KRT3: variants seen among roughly 807,000 people sequenced by gnomAD.
KRT3 encodes the protein keratin 3.
In KRT3, 34 loss-of-function variants were observed where a neutral mutation model predicts 45.8. The ratio of observed to expected loss-of-function variants is 0.74; its 90% confidence interval spans 0.57 to 0.99. The LOEUF is 0.99. Ranked by LOEUF, KRT3 falls within the 50% of genes least tolerant of loss-of-function variation. The probability of loss-of-function intolerance (pLI) is 0.00; values close to 1 mark genes in which losing one functional copy is unlikely to be tolerated. For synonymous variants in KRT3, 367 were observed against 329.0 expected, an observed-to-expected ratio of 1.12 and a Z score of -1.25; for missense variants, 828 against 820.6, an observed-to-expected ratio of 1.01 and a Z score of -0.11.
Position 52,790,288 on chromosome 12 carries a change from G to T in KRT3, c.1641C>A (p.Gly547=), listed in dbSNP as rs1373447963. The change falls in exon 9 of 9, where the codon GGC becomes GGA. Residue 547 remains glycine, a synonymous_variant. Transcript: ENST00000417996. ...GYGGGYGGGM[G]GGLGGGFSAG... ...CACTGAAGCCACCTCCTAAACCACC[G>T]CCCATGCCTCCGCCGTAACCTCCTC... is the stretch of plus-strand genomic sequence containing the variant. 2 of 1,558,866 alleles carry T rather than the reference G, an allele frequency of 1.3e-6. No homozygotes were observed. Among genetic ancestry groups the T allele is most frequent in the African/African-American group, 2.7e-5 (2 of 73,350 alleles).
Position 52,791,368 on chromosome 12 carries a change from T to C in KRT3, c.1373A>G (p.Lys458Arg). The change falls in exon 7 of 9, where the codon AAG (lysine) becomes AGG (arginine). Residue 458 changes from lysine to arginine, a missense_variant. By Grantham distance (26) the Lys-to-Arg change is conservative. Coordinates refer to ENST00000417996, the MANE Select transcript of KRT3 (RefSeq NM_057088.3). ...CTCTTGGAGCTTGGCATTGGCATCCTTGAGGGCCATCTCTCCATGCTGCTC... is the reference window on the plus strand; with the variant it reads ...CTCTTGGAGCTTGGCATTGGCATCCCTGAGGGCCATCTCTCCATGCTGCTC... ...EAEQHGEMAL[K>R]DANAKLQELQ... is the part of the protein sequence containing the mutation. 1 of 1,614,240 alleles carries C rather than the reference T, an allele frequency of 6.2e-7. No individual in the cohort carries two copies. The highest frequency in any genetic ancestry group is 8.5e-7 in the Non-Finnish European group (1 of 1,180,036).
At position 52,794,111 on chromosome 12, in the gene KRT3, T is replaced by G; in HGVS notation, c.866A>C (p.Lys289Thr). The change falls in exon 2 of 9, where the codon AAA becomes ACA. Residue 289 changes from lysine to threonine, a missense_variant and splice_region_variant. Coordinates refer to ENST00000417996, the MANE Select transcript of KRT3 (RefSeq NM_057088.3). ...MEDLVEDFKK[K>T]YEDEINKRTA... ...TTCCCACTCCTGCCCTGTCACTCACTTCTTCTTGAAGTCTTCCACCAGGTC... is the reference window on the plus strand; with the variant it reads ...TTCCCACTCCTGCCCTGTCACTCACGTCTTCTTGAAGTCTTCCACCAGGTC... 1 of 1,612,772 alleles carries G rather than the reference T, an allele frequency of 6.2e-7. No individual in the cohort carries two copies. Among genetic ancestry groups the G allele is most frequent in the Non-Finnish European group, 8.5e-7 (1 of 1,178,818 alleles).
chr12:52,791,061 G>C (rs12312528), intron 7 of KRT3, 145 bp downstream of exon 7: 366,942 of 1,361,774 alleles, frequency 0.27, 56,559 homozygotes, highest in East Asian at 0.7. Flanking sequence ...TGCCCTGGGA[G>C]GGAGTGGGCT....
intron 4 of KRT3, 131 bp from the exon 5 acceptor site, chr12:52,792,534 C>T (rs528857803): frequency 5.4e-5 from 56 of 1,034,074 alleles, no homozygotes; most frequent in Admixed American, 3.6e-4. Context: ...ACACCCTGTC[C>T]GCAGCCACTC....
At chr12:52,790,392 C>A in intron 8 of KRT3, 34 bp from the exon 9 acceptor site, 1 of 1,554,446 alleles carries the variant, frequency 6.4e-7, no homozygotes, top group Admixed American at 1.9e-5. Flanking sequence ...CGATCAGCGA[C>A]GGCGCCCAGG....
rs1472865591 is a variant in KRT3 at position 52,795,522 on chromosome 12, G to A, written c.521C>T (p.Thr174Ile). ...GGGCTGCAGGAGACTCTGGTTGATA[G>A]TCACTTCCTGAATTCCCCCAGGAAA... ...GGFPGGIQEV[T>I]INQSLLQPLN... The change falls in exon 1 of 9, where the codon ACT becomes ATT. Residue 174 changes from threonine (T) to isoleucine (I), a missense_variant. Transcript: ENST00000417996. 3 of 1,613,976 alleles carry A rather than the reference G, an allele frequency of 1.9e-6. No homozygotes were observed. Among genetic ancestry groups the A allele is most frequent in the Non-Finnish European group, 2.5e-6 (3 of 1,180,014 alleles).
chr12:52,789,703 A>T lies in KRT3; in HGVS notation c.*339T>A, dbSNP rs1939440294. 2 of 469,758 alleles carry T rather than the reference A, an allele frequency of 4.3e-6. No homozygotes were observed. The highest frequency in any genetic ancestry group is 3.9e-5 in the African/African-American group (2 of 51,436). The allele number at this position is 469,758 out of a possible 1,614,324, so 29.1% of individuals were successfully genotyped here. On this transcript the variant is annotated 3_prime_UTR_variant, in exon 9 of 9. Transcript: ENST00000417996. ...CCCGGAGTGAAACACAGTGCACTTT[A>T]TTGGCGACAGACCGGAGGGGCGGAG...
In KRT3 at chr12:52,795,479, G is replaced by T. The variant is rs761012956; in HGVS notation, c.564C>A (p.Asp188Glu). The T allele has an allele frequency of 3.7e-6, 6 of 1,613,932 alleles. No homozygotes were observed. Among genetic ancestry groups the T allele is most frequent in the Admixed American group, 1.7e-5 (1 of 60,008 alleles). ...SLLQPLNVEI[D>E]PQIGQVKAQE... ...GGGCCTTTACTTGCCCAATCTGGGGGTCGATCTCCACATTGAGGGGCTGCA... is the reference window on the plus strand; with the variant it reads ...GGGCCTTTACTTGCCCAATCTGGGGTTCGATCTCCACATTGAGGGGCTGCA... The change falls in exon 1 of 9, where the codon GAC becomes GAA. Residue 188 changes from aspartate to glutamate, a missense_variant. By Grantham distance (45) the Asp-to-Glu change is conservative. Coordinates refer to ENST00000417996, the MANE Select transcript of KRT3 (RefSeq NM_057088.3).
intron 2 of KRT3, 52 bp from the exon 3 acceptor site, chr12:52,793,275 C>T: frequency 7.9e-7 from 1 of 1,260,664 alleles, no homozygotes; most frequent in Non-Finnish European, 1.1e-6. Flanking sequence ...TCATCGTAAA[C>T]ACCATTGTTC....
chr12:52,791,152 C>G, intron 7 of KRT3, 54 bp downstream of exon 7: 1 of 1,612,504 alleles, frequency 6.2e-7, no homozygotes, highest in South Asian at 1.1e-5. Context: ...CTTATCTGGC[C>G]CTTGGCCTAT....
chr12:52,793,054 T>C, intron 3 of KRT3, 109 bp downstream of exon 3: 3 of 844,856 alleles, frequency 3.6e-6, no homozygotes, highest in Non-Finnish European at 5.8e-6. Flanking sequence ...TGTTTATTGC[T>C]CCAAAGGCCT....
intron 5 of KRT3, 132 bp from the exon 6 acceptor site, chr12:52,791,948 G>A (rs920395143): frequency 9.5e-7 from 1 of 1,057,216 alleles, no homozygotes; most frequent in Non-Finnish European, 1.3e-6. Context: ...TTGTGTTTCA[G>A]CAGGGAAACC....
intron 8 of KRT3, among the ~76,000 whole-genome samples, 152 bp downstream of exon 8, chr12:52,790,686 G>A (rs892304296): frequency 9.2e-5 from 14 of 152,118 alleles, no homozygotes; most frequent in African/African-American, 3.1e-4. Context: ...CCTGAACCCA[G>A]AACAATTACA....
chr12:52,793,251 G>A, intron 2 of KRT3, 28 bp from the exon 3 acceptor site: 1 of 1,561,574 alleles, frequency 6.4e-7, no homozygotes, highest in Non-Finnish European at 8.7e-7. Flanking sequence ...AAACAGCTGA[G>A]TTTGGTTTTG....
In KRT3 at chr12:52,795,979, C is replaced by T; in HGVS notation, c.64G>A (p.Val22Met). Residue 22 changes from valine (V) to methionine (M), a missense_variant, in exon 1 of 9, where the codon GTG becomes ATG. Val to Met is a conservative substitution (Grantham distance 21). Coordinates refer to ENST00000417996, the MANE Select transcript of KRT3 (RefSeq NM_057088.3). ...GSQGFSGRSA[V>M]VSGSSRMSCV... is the part of the protein sequence containing the mutation. ...CTCATCCTGCTGCTGCCGGAGACCA[C>T]AGCAGAGCGGCCGGAGAAACCCTGG... The T allele has an allele frequency of 6.2e-7, 1 of 1,614,006 alleles. No individual in the cohort carries two copies. The highest frequency in any genetic ancestry group is 1.1e-5 in the South Asian group (1 of 91,084).
intron 3 of KRT3, 84 bp downstream of exon 3, chr12:52,793,079 T>G: frequency 9.1e-7 from 1 of 1,094,016 alleles, no homozygotes; most frequent in Non-Finnish European, 1.4e-6. Context: ...TTGGCAGCTC[T>G]GTGGCAGTGG....
chr12:52,795,950 A>G lies in KRT3; in HGVS notation c.93T>C (p.Cys31=), dbSNP rs139995578. ...CGCCAGCTCCCCCAGAGTGGGCCAC[A>G]CAGCTCATCCTGCTGCTGCCGGAGA... ...AVVSGSSRMS[C]VAHSGGAGGG... The change falls in exon 1 of 9, where the codon TGT becomes TGC. Residue 31 remains cysteine, a synonymous_variant. Coordinates refer to ENST00000417996, the MANE Select transcript of KRT3 (RefSeq NM_057088.3). 43,116 of 1,614,092 alleles carry G rather than the reference A, an allele frequency of 0.027. 641 individuals are homozygous for G. Among genetic ancestry groups the G allele is most frequent in the Non-Finnish European group, 0.03 (35,138 of 1,180,006 alleles).
chr12:52,794,365 A>G, intron 1 of KRT3, 34 bp from the exon 2 acceptor site: 1 of 1,549,830 alleles, frequency 6.5e-7, no homozygotes, highest in Non-Finnish European at 8.9e-7. Context: ...ATCAGGCAAC[A>G]CTTGTAGCAG....
At position 52,791,826 on chromosome 12, in the gene KRT3, A is replaced by T; in HGVS notation, c.1189-10T>A. On this transcript the variant is annotated splice_polypyrimidine_tract_variant and intron_variant, in intron 5 of 8. Transcript: ENST00000417996. The stretch of plus-strand genomic sequence containing the variant: ...TCTGCAGCTCCCCCAACTGCAGAAC[A>T]GAAGGGAAGATGGGGTATTCCTGCA... 1 of 1,612,542 alleles carries T rather than the reference A, an allele frequency of 6.2e-7. No homozygotes were observed. Among genetic ancestry groups the T allele is most frequent in the Non-Finnish European group, 8.5e-7 (1 of 1,178,876 alleles).
Sources: gnomAD v4.1 joint callset for allele counts (sites outside exome capture counted in the v4.1 genomes callset) on GRCh38, gnomAD v4.1.1 for gene constraint, MANE v1.5 for transcripts, NCBI Gene and HGNC (gene_info 2026-07-23, HGNC 2026-07-21) for gene names.